PGGHG: variants seen among roughly 807,000 people sequenced by gnomAD.
The protein encoded by PGGHG is ATH1, acid trehalase-like 1.
A neutral mutation model predicts 74.5 loss-of-function variants in PGGHG; 67 were observed. The observed-to-expected ratio is 0.90, with a 90% confidence interval of 0.74 to 1.10. The LOEUF is 1.10. Ranked by LOEUF, PGGHG falls within the 50% of genes least tolerant of loss-of-function variation. PGGHG has a pLI of 0.00. For missense variants in PGGHG, 1,034 were observed against 981.5 expected, an observed-to-expected ratio of 1.05 and a Z score of -0.72; for synonymous variants, 496 against 419.9, an observed-to-expected ratio of 1.18 and a Z score of -2.21.
chr11:290,732 G>T lies in PGGHG; in HGVS notation c.525G>T (p.Glu175Asp). 1.2e-6 allele frequency: 2 copies of T among 1,607,732 alleles called. No homozygotes were observed. Among genetic ancestry groups the T allele is most frequent in the Non-Finnish European group, 8.5e-7 (1 of 1,176,442 alleles). The stretch of plus-strand genomic sequence containing the variant: ...AGCAGCCCGGGGGGCCACAGCAAGA[G>T]GTACACATGCTGTGGACACCAGCAC... Reference protein sequence around the residue: ...TPEQPGGPQQEVHMLWTPAPP... With the variant: ...TPEQPGGPQQDVHMLWTPAPP... The change falls in exon 4 of 14, where the codon GAG (glutamate) becomes GAT (aspartate). Residue 175 changes from glutamate to aspartate, a missense_variant. Physicochemically the swap from Glu to Asp is conservative, Grantham distance 45. Transcript: ENST00000409548.
chr11:292,512 A>G (rs764510331), intron 5 of PGGHG, 34 bp from the exon 6 acceptor site: 2 of 1,605,026 alleles, frequency 1.2e-6, no homozygotes, highest in East Asian at 4.5e-5. Flanking sequence ...CTCCCCTCCA[A>G]CAAGGTCAAG....
chr11:292,384 C>T (rs1845748611), intron 5 of PGGHG, among the ~76,000 whole-genome samples, 162 bp from the exon 6 acceptor site: 1 of 152,134 alleles, frequency 6.6e-6, no homozygotes, highest in Non-Finnish European at 1.5e-5. Flanking sequence ...GCAGAAGCCA[C>T]CTGGCCCCGT....
intron 2 of PGGHG, 113 bp downstream of exon 2, chr11:290,188 T>C: frequency 7.0e-7 from 1 of 1,429,146 alleles, no homozygotes. Flanking sequence ...GAAGTCTCAC[T>C]AAGACAGGAG....
At position 294,553 on chromosome 11, in the gene PGGHG, CA is replaced by C; in HGVS notation, c.2021-2del. 1 of 1,605,656 alleles carries C rather than the reference CA, an allele frequency of 6.2e-7. No individual in the cohort carries two copies. Among genetic ancestry groups the C allele is most frequent in the Non-Finnish European group, 8.5e-7 (1 of 1,175,002 alleles). ...CACCCCCAGGCTGCCTCTCTCCCTGCAGGACACAAGGTCTCCTTTCCCCGCT... is the reference window on the plus strand; with the variant it reads ...CACCCCCAGGCTGCCTCTCTCCCTGCGGACACAAGGTCTCCTTTCCCCGCT... On this transcript the variant is annotated splice_acceptor_variant, in intron 13 of 13. Coordinates refer to ENST00000409548, the MANE Select transcript of PGGHG (RefSeq NM_025092.5). LOFTEE classifies it high-confidence loss of function.
In PGGHG at chr11:292,050, C is replaced by A; in HGVS notation, c.981C>A (p.Arg327=). 1 of 1,595,410 alleles carries A rather than the reference C, an allele frequency of 6.3e-7. No homozygotes were observed. The highest frequency in any genetic ancestry group is 8.5e-7 in the Non-Finnish European group (1 of 1,171,120). The change falls in exon 5 of 14, where the codon CGC becomes CGA. Residue 327 remains arginine, a synonymous_variant. Coordinates refer to ENST00000409548, the MANE Select transcript of PGGHG (RefSeq NM_025092.5). ...GGGCCATCCTGGAGTACCGCATCCG[C>A]ACGCTGGACGGGGCCCTGGAGAACG... ...AARAILEYRI[R]TLDGALENAQ...
Position 290,783 on chromosome 11 carries a change from T to C in PGGHG, c.576T>C (p.Gly192=). ...PAPPDLTLGE[G]EEARTWDFLT... is the part of the protein sequence containing the mutation. ...CCCCAGACCTGACCCTTGGGGAAGG[T>C]GAGGAGGCTAGGACGTGGGACTTCC... The change falls in exon 4 of 14, where the codon GGT becomes GGC. Residue 192 remains glycine, a synonymous_variant. Transcript: ENST00000409548. 6.2e-7 allele frequency: 1 copy of C among 1,612,510 alleles called. No individual in the cohort carries two copies. Among genetic ancestry groups the C allele is most frequent in the Non-Finnish European group, 8.5e-7 (1 of 1,179,782 alleles).
intron 2 of PGGHG, 118 bp from the exon 3 acceptor site, chr11:290,272 G>A: frequency 1.5e-6 from 2 of 1,370,168 alleles, no homozygotes; most frequent in South Asian, 1.4e-5. Flanking sequence ...GGAACGAGCA[G>A]CCGAGGGCCC....
Position 294,950 on chromosome 11 carries a change from C to T in PGGHG, c.*201C>T. The T allele has an allele frequency of 1.7e-6, 1 of 577,990 alleles. No homozygotes were observed. The highest frequency in any genetic ancestry group is 3.1e-5 in the South Asian group (1 of 32,746). The allele number at this position is 577,990 out of a possible 1,614,324, so 35.8% of individuals were successfully genotyped here. The stretch of plus-strand genomic sequence containing the variant: ...GGACCCCCGTGGGCAGGTGGCTTCC[C>T]CGTGGCATCTCCACACCGCCTCTGC... On this transcript the variant is annotated 3_prime_UTR_variant, in exon 14 of 14. Coordinates refer to ENST00000409548, the MANE Select transcript of PGGHG (RefSeq NM_025092.5).
At position 293,312 on chromosome 11, in the gene PGGHG, G is replaced by A. The variant is rs776136060; in HGVS notation, c.1344-54G>A. ...CTGCCCCGGTGCCCCCACTAGGCAG[G>A]CAGCAGCTGGAAGTGTAGGGGTTGC... On this transcript the variant is annotated intron_variant, in intron 8 of 13. Transcript: ENST00000409548. The A allele has an allele frequency of 6.1e-5, 98 of 1,602,012 alleles. No homozygotes were observed. The Middle Eastern group carries it at 6.7e-4, about 11-fold the overall frequency.
In PGGHG at chr11:289,829, G is replaced by A. The variant is rs1301940892; in HGVS notation, c.13G>A (p.Gly5Ser). The change falls in exon 2 of 14, where the codon GGC (glycine) becomes AGC (serine). Residue 5 changes from glycine to serine, a missense_variant. Gly to Ser is a moderately conservative substitution (Grantham distance 56, BLOSUM62 0). Transcript: ENST00000409548. The surrounding 1 kb of genome is among the most constrained non-coding windows in gnomAD (Gnocchi z 5.6). MEDAGEDPTTFAAHS... is the reference protein window; with the variant it reads MEDASEDPTTFAAHS... ...GCCCAGCAGCTCCATGGAGGACGCCGGCGAGGACCCCACCACGTTTGCTGC... is the reference window on the plus strand; with the variant it reads ...GCCCAGCAGCTCCATGGAGGACGCCAGCGAGGACCCCACCACGTTTGCTGC... 11 of 1,550,356 alleles carry A rather than the reference G, an allele frequency of 7.1e-6. No homozygotes were observed. The highest frequency in any genetic ancestry group is 2.4e-5 in the South Asian group (2 of 84,000).
In PGGHG at chr11:289,513, T is replaced by G. The variant is rs1336704094; in HGVS notation, c.-14+274T>G. The G allele has an allele frequency of 1.2e-5, 4 of 341,076 alleles. No individual in the cohort carries two copies. Among genetic ancestry groups the G allele is most frequent in the African/African-American group, 2.2e-5 (1 of 45,762 alleles). The allele number at this position is 341,076 out of a possible 1,614,324, so 21.1% of individuals were successfully genotyped here. A position where few individuals can be genotyped will look rare whatever the true frequency, so the allele number is the denominator to read the frequency against. On this transcript the variant is annotated intron_variant, in intron 1 of 13. Coordinates refer to ENST00000409548, the MANE Select transcript of PGGHG (RefSeq NM_025092.5). This position sits in a 1 kb window ranked among gnomAD's most constrained non-coding sequence, Gnocchi z 5.6. The stretch of plus-strand genomic sequence containing the variant: ...GGGGCAAGACCGGGGTTGTGGGGGG[T>G]GCGTTTGGAAAGCAGGGTTAGGACT...
At chr11:294,074 G>A (rs757899018) in intron 11 of PGGHG, 25 bp from the exon 12 acceptor site, 3 of 1,589,376 alleles carry the variant, frequency 1.9e-6, no homozygotes, top group Non-Finnish European at 2.6e-6. Context: ...GGGGGTCCTG[G>A]TGTCAGCTGC....
rs1443308670 is a variant in PGGHG, at chr11:289,564, A to C, written c.-13-240A>C. 9.0e-6 allele frequency: 5 copies of C among 555,198 alleles called. No individual in the cohort carries two copies. The highest frequency in any genetic ancestry group is 1.9e-5 in the African/African-American group (1 of 52,678). The allele number at this position is 555,198 out of a possible 1,614,324, so 34.4% of individuals were successfully genotyped here. A position where few individuals can be genotyped will look rare whatever the true frequency, so the allele number is the denominator to read the frequency against. On this transcript the variant is annotated intron_variant, in intron 1 of 13. Coordinates refer to ENST00000409548, the MANE Select transcript of PGGHG (RefSeq NM_025092.5). This position sits in a 1 kb window ranked among gnomAD's most constrained non-coding sequence, Gnocchi z 5.6. ...GGAATTCTAAGGTAGCAGGAGGGAG[A>C]GACACACTCAGGGGCTCAGCTGGGT...
In PGGHG at chr11:293,813, C is replaced by G; in HGVS notation, c.1615-17C>G. ...AGTGGGCCTCACCCCTGTGTGTCCT[C>G]TTACCTCTGACCCCAGAGCATGTTT... On this transcript the variant is annotated splice_polypyrimidine_tract_variant and intron_variant, in intron 10 of 13. Coordinates refer to ENST00000409548, the MANE Select transcript of PGGHG (RefSeq NM_025092.5). 1 of 1,613,588 alleles carries G rather than the reference C, an allele frequency of 6.2e-7. No individual in the cohort carries two copies. Among genetic ancestry groups the G allele is most frequent in the Non-Finnish European group, 8.5e-7 (1 of 1,179,966 alleles).
rs992243174 is a variant in PGGHG at position 289,880 on chromosome 11, C to T, written c.64C>T (p.Leu22Phe). 6.4e-7 allele frequency: 1 copy of T among 1,551,186 alleles called. No homozygotes were observed. Among genetic ancestry groups the T allele is most frequent in the Non-Finnish European group, 8.7e-7 (1 of 1,146,922 alleles). The change falls in exon 2 of 14, where the codon CTC (leucine) becomes TTC (phenylalanine). Residue 22 changes from leucine (L) to phenylalanine (F), a missense_variant. Coordinates refer to ENST00000409548, the MANE Select transcript of PGGHG (RefSeq NM_025092.5). The surrounding 1 kb of genome is among the most constrained non-coding windows in gnomAD (Gnocchi z 5.6). ...CCACTCTCTGCCCAGTGACCCCCGTCTCTTGGCCACTGTGACCAACGCATA... is the reference window on the plus strand; with the variant it reads ...CCACTCTCTGCCCAGTGACCCCCGTTTCTTGGCCACTGTGACCAACGCATA... ...AAHSLPSDPR[L>F]LATVTNAYLG...
At position 290,901 on chromosome 11, in the gene PGGHG, G is replaced by T. The variant is rs140256419; in HGVS notation, c.694G>T (p.Ala232Ser). 4 of 1,611,752 alleles carry T rather than the reference G, an allele frequency of 2.5e-6. No individual in the cohort carries two copies. Among genetic ancestry groups the T allele is most frequent in the East Asian group, 4.5e-5 (2 of 44,836 alleles). The change falls in exon 4 of 14, where the codon GCA becomes TCA. Residue 232 changes from alanine to serine, a missense_variant. Transcript: ENST00000409548. ...QARGALYTAH[A>S]QAWAQLWVEC... ...CAGGGGAGCTCTGTATACGGCTCAC[G>T]CACAGGCCTGGGCCCAGCTCTGGGT...
Position 289,950 on chromosome 11 carries a change from T to C in PGGHG, c.134T>C (p.Val45Ala). The change falls in exon 2 of 14, where the codon GTG becomes GCG. Residue 45 changes from valine (V) to alanine (A), a missense_variant. Val to Ala is a moderately conservative substitution (Grantham distance 64). Transcript: ENST00000409548. The surrounding 1 kb of genome is among the most constrained non-coding windows in gnomAD (Gnocchi z 5.6). ...VFHDTLHVSG[V>A]YNGAGGDTHR... is the part of the protein sequence containing the mutation. The stretch of plus-strand genomic sequence containing the variant: ...CACGACACGCTGCACGTGAGCGGCG[T>C]GTACAATGGGGCTGGCGGGGACACG... 1.9e-6 allele frequency: 3 copies of C among 1,550,624 alleles called. No individual in the cohort carries two copies. Among genetic ancestry groups the C allele is most frequent in the Non-Finnish European group, 2.6e-6 (3 of 1,146,896 alleles).
At position 294,188 on chromosome 11, in the gene PGGHG, G is replaced by A. The variant is rs149047735; in HGVS notation, c.1800G>A (p.Thr600=). ...GFLQAVVFGC[T]GFRVTRAGVT... is the part of the protein sequence containing the mutation. ...TGCAGGCGGTGGTCTTCGGGTGCACGGGGTTCAGGTAAGTGCAGAGGCTGG... is the reference window on the plus strand; with the variant it reads ...TGCAGGCGGTGGTCTTCGGGTGCACAGGGTTCAGGTAAGTGCAGAGGCTGG... Residue 600 remains threonine, a synonymous_variant, in exon 12 of 14, where the codon ACG becomes ACA. Coordinates refer to ENST00000409548, the MANE Select transcript of PGGHG (RefSeq NM_025092.5). The A allele has an allele frequency of 1.7e-5, 28 of 1,610,302 alleles. No homozygotes were observed. The highest frequency in any genetic ancestry group is 1.3e-4 in the African/African-American group (10 of 74,870).
rs377060151 is a variant in PGGHG at position 294,487 on chromosome 11, G to C, written c.2020+9G>C. 5 of 537,380 alleles carry C rather than the reference G, an allele frequency of 9.3e-6. No homozygotes were observed. The highest frequency in any genetic ancestry group is 1.2e-5 in the Non-Finnish European group (5 of 411,498). The allele number at this position is 537,380 out of a possible 1,614,324, so 33.3% of individuals were successfully genotyped here. ...GCTCTCCCTGTTGCCAGGTAGAACA[G>C]CCCCCAACAGCCCAGGTGCCTGCGA... On this transcript the variant is annotated intron_variant, in intron 13 of 13. Transcript: ENST00000409548.
Sources: gnomAD v4.1 joint callset for allele counts (sites outside exome capture counted in the v4.1 genomes callset) on GRCh38, gnomAD v4.1.1 for gene constraint, Gnocchi (gnomAD v3.1) non-coding constraint, MANE v1.5 for transcripts, NCBI Gene and HGNC (gene_info 2026-07-23, HGNC 2026-07-21) for gene names.